Variants in PCNT observed in about 807,000 individuals in gnomAD.
The protein encoded by PCNT is kendrin.
PCNT carries 319 observed loss-of-function variants against 380.4 expected under a neutral mutation model. The ratio of observed to expected loss-of-function variants is 0.84; its 90% CI spans 0.77 to 0.92. PCNT has a LOEUF of 0.92. Ranked by LOEUF, PCNT falls within the 40% of genes least tolerant of loss-of-function variation. The pLI is 0.00. For missense variants in PCNT, 4,400 were observed against 4,255.3 expected, an observed-to-expected ratio of 1.03 and a Z score of -0.95; for synonymous variants, 1,845 against 1,735.2, an observed-to-expected ratio of 1.06 and a Z score of -1.57.
intron 29 of PCNT, among the ~76,000 whole-genome samples, chr21:46,413,990 C>T (rs916798112): frequency 7.3e-5 from 9 of 123,874 alleles, no homozygotes; most frequent in Admixed American, 1.6e-4. Flanking sequence ...TATTTTTTTT[C>T]TCTCTTTTTT....
At chr21:46,360,577 G>T (rs112064521) in intron 13 of PCNT, among the ~76,000 whole-genome samples, 1 of 136,556 alleles carries the variant, frequency 7.3e-6, no homozygotes, top group Non-Finnish European at 1.5e-5. Flanking sequence ...GGAGTGCAGT[G>T]GTGCGATATC....
Position 46,347,529 on chromosome 21 carries a change from C to A in PCNT, c.1032+17C>A. On this transcript the variant is annotated intron_variant, in intron 6 of 46. Coordinates refer to ENST00000359568, the MANE Select transcript of PCNT (RefSeq NM_006031.6). ...ATAGTAAAGGTACCCGGGATCGATT[C>A]TAAAATGCACGCCTCTGTGTATGTT... 6.2e-7 allele frequency: 1 copy of A among 1,611,660 alleles called. No homozygotes were observed.
intron 29 of PCNT, 130 bp from the exon 30 acceptor site, chr21:46,415,939 A>G (rs2087009474): frequency 3.8e-6 from 3 of 791,012 alleles, no homozygotes; most frequent in Non-Finnish European, 6.3e-6. Context: ...TAAACTTGAA[A>G]TGTGCAGGGC....
intron 43 of PCNT, 68 bp from the exon 44 acceptor site, chr21:46,442,429 G>GT: frequency 1.0e-6 from 1 of 1,001,540 alleles, no homozygotes; most frequent in South Asian, 1.3e-5. Context: ...TCACAGTGGG[G>GT]TTTTCATTGC....
At chr21:46,382,344 C>T (rs1454194330) in intron 16 of PCNT, among the ~76,000 whole-genome samples, 2 of 145,370 alleles carry the variant, frequency 1.4e-5, no homozygotes, top group Admixed American at 7.0e-5. Flanking sequence ...TATTCAGTGG[C>T]GGAAGCGCAA....
At chr21:46,399,886 G>A (rs1291612940) in intron 25 of PCNT, 90 bp downstream of exon 25, 45 of 1,126,496 alleles carry the variant, frequency 4.0e-5, no homozygotes, top group East Asian at 1.6e-4. Flanking sequence ...TGGGCAGGGC[G>A]TCCTTCTTCA....
In PCNT at chr21:46,398,057, A is replaced by G. The variant is rs1188262907; in HGVS notation, c.4490A>G (p.Gln1497Arg). Residue 1497 changes from glutamine (Q) to arginine (R), a missense_variant, in exon 23 of 47, where the codon CAG becomes CGG. Gln to Arg is a conservative substitution (Grantham distance 43). Coordinates refer to ENST00000359568, the MANE Select transcript of PCNT (RefSeq NM_006031.6). ...GAGCACGAGCGCGAGGAGTTCCAGC[A>G]GGAGATTCAGAGGCTGGAGGGGCAG... ...EREHEREEFQQEIQRLEGQLR... is the reference protein window; with the variant it reads ...EREHEREEFQREIQRLEGQLR... 1 of 1,597,392 alleles carries G rather than the reference A, an allele frequency of 6.3e-7. No homozygotes were observed. The highest frequency in any genetic ancestry group is 1.1e-5 in the South Asian group (1 of 88,870).
intron 43 of PCNT, among the ~76,000 whole-genome samples, chr21:46,442,175 G>A (rs942974095): frequency 3.9e-5 from 6 of 152,162 alleles, no homozygotes; most frequent in African/African-American, 4.8e-5. Flanking sequence ...TGGTGTGGCC[G>A]GCTGACTTTG....
At chr21:46,393,673 G>A (rs1350983711) in intron 21 of PCNT, among the ~76,000 whole-genome samples, 2 of 152,190 alleles carry the variant, frequency 1.3e-5, no homozygotes, top group African/African-American at 4.8e-5. Context: ...CGGTGAGGCC[G>A]GGGCCCTGTG....
In PCNT at chr21:46,324,563, C is replaced by CGG. The variant is rs1157871414; in HGVS notation, c.54+288_54+289dup. On this transcript the variant is annotated intron_variant, in intron 1 of 46. Transcript: ENST00000359568. ...GGCCGGGGCGGGGCTGCGCCTGCGT[C>CGG]GGGGGGGGTGGGGCGCGGGCTGGGC... Among the ~76,000 whole-genome samples, 349 of 71,866 alleles carry CGG rather than the reference C, an allele frequency of 4.9e-3. 2 individuals carry two copies. The highest frequency in any genetic ancestry group is 0.02 in the African/African-American group (325 of 16,508). The allele number at this position is 71,866 out of a possible 152,430, so 47.1% of individuals were successfully genotyped here. A position where few individuals can be genotyped will look rare whatever the true frequency, so the allele number is the denominator to read the frequency against.
chr21:46,414,618 G>C (rs796089216), intron 29 of PCNT, among the ~76,000 whole-genome samples: 1 of 117,514 alleles, frequency 8.5e-6, no homozygotes, highest in African/African-American at 3.4e-5. Flanking sequence ...TCCTCCTCCT[G>C]GACACACAGC....
In PCNT at chr21:46,431,792, G is replaced by A. The variant is rs746152754; in HGVS notation, c.8328G>A (p.Gln2776=). The change falls in exon 38 of 47, where the codon CAG becomes CAA. Residue 2776 remains glutamine, a synonymous_variant. Transcript: ENST00000359568. ...CCGAGCAGCTGAGCCAGAGGACACA[G>A]GAGGCTTGCGTGCACCAGGACACAC... ...LLTEQLSQRT[Q]EACVHQDTQA... 2 of 1,613,452 alleles carry A rather than the reference G, an allele frequency of 1.2e-6. No individual in the cohort carries two copies. Among genetic ancestry groups the A allele is most frequent in the East Asian group, 2.2e-5 (1 of 44,882 alleles).
At position 46,363,722 on chromosome 21, in the gene PCNT, T is replaced by C; in HGVS notation, c.2397T>C (p.Leu799=). 1 of 1,614,166 alleles carries C rather than the reference T, an allele frequency of 6.2e-7. No homozygotes were observed. Among genetic ancestry groups the C allele is most frequent in the Non-Finnish European group, 8.5e-7 (1 of 1,180,028 alleles). Residue 799 remains leucine, a synonymous_variant, in exon 14 of 47, where the codon CTT becomes CTC. Transcript: ENST00000359568. ...TTCGAGAAGCTGAAATGAGGCAGCT[T>C]CAGGACCAACAGGCAGCCCAGATCC... The part of the protein sequence containing the change: ...FELREAEMRQ[L]QDQQAAQILD...
chr21:46,384,820 C>T (rs1237637173), intron 16 of PCNT, among the ~76,000 whole-genome samples: 1 of 151,204 alleles, frequency 6.6e-6, no homozygotes, highest in Non-Finnish European at 1.5e-5. Flanking sequence ...CGTTGAGCGG[C>T]GGAAGCGCAT....
rs1286078354 is a variant in PCNT, at chr21:46,425,342, C to T, written c.7180-489C>T. On this transcript the variant is annotated intron_variant, in intron 32 of 46. Transcript: ENST00000359568. This position sits in a 1 kb window ranked among gnomAD's most constrained non-coding sequence, Gnocchi z 4.2. ...TCCCCGTGCCCAGCACAGGCAGCTT[C>T]ACCCCACGCTGGTGGTCGGCACTGG... Among the ~76,000 whole-genome samples the T allele has an allele frequency of 6.6e-6, 1 of 152,240 alleles. No individual in the cohort carries two copies. The highest frequency in any genetic ancestry group is 2.4e-5 in the African/African-American group (1 of 41,468).
intron 13 of PCNT, among the ~76,000 whole-genome samples, chr21:46,357,875 G>T (rs1487436699): frequency 6.6e-6 from 1 of 152,246 alleles, no homozygotes; most frequent in Admixed American, 6.5e-5. Flanking sequence ...GGCTCTTCCT[G>T]TGCTGTTTTG....
rs749500259 is a variant in PCNT, at chr21:46,334,552, A to G, written c.423A>G (p.Glu141=). ...GMFTVGDHPP[E]QRGMFTVSDH... The stretch of plus-strand genomic sequence containing the variant: ...TCACAGTCGGTGACCACCCACCAGA[A>G]CAGCGTGGGATGTTCACAGTCAGTG... The change falls in exon 3 of 47, where the codon GAA becomes GAG. Residue 141 remains glutamate (E), a synonymous_variant. Coordinates refer to ENST00000359568, the MANE Select transcript of PCNT (RefSeq NM_006031.6). 3 of 1,598,898 alleles carry G rather than the reference A, an allele frequency of 1.9e-6. No individual in the cohort carries two copies. Among genetic ancestry groups the G allele is most frequent in the South Asian group, 2.2e-5 (2 of 90,472 alleles).
intron 3 of PCNT, among the ~76,000 whole-genome samples, chr21:46,342,547 CTTTTTTTT>C (rs1003934006): frequency 7.9e-6 from 1 of 126,142 alleles, no homozygotes; most frequent in Admixed American, 7.8e-5. Flanking sequence ...TTTTTTTTTT[CTTTTTTTT>C]TTGAGACGGA....
At position 46,357,087 on chromosome 21, in the gene PCNT, C is replaced by T. The variant is rs1244908741; in HGVS notation, c.2050C>T (p.Leu684Phe). Residue 684 changes from leucine (L) to phenylalanine (F), a missense_variant, in exon 13 of 47, where the codon CTT becomes TTT. Coordinates refer to ENST00000359568, the MANE Select transcript of PCNT (RefSeq NM_006031.6). ...TGAGCACAAGGTGCAACTTTCGCTTCTTCAGACTGAGCTCAAAGAAGAAAT... is the reference window on the plus strand; with the variant it reads ...TGAGCACAAGGTGCAACTTTCGCTTTTTCAGACTGAGCTCAAAGAAGAAAT... ...ETEHKVQLSL[L>F]QTELKEEIEL... 3.1e-6 allele frequency: 5 copies of T among 1,613,942 alleles called. No homozygotes were observed. Among genetic ancestry groups the T allele is most frequent in the African/African-American group, 1.3e-5 (1 of 75,058 alleles).
Sources: gnomAD v4.1 joint callset for allele counts (sites outside exome capture counted in the v4.1 genomes callset) on GRCh38, gnomAD v4.1.1 for gene constraint, Gnocchi (gnomAD v3.1) non-coding constraint, MANE v1.5 for transcripts, NCBI Gene and HGNC (gene_info 2026-07-23, HGNC 2026-07-21) for gene names.